Variants in SET observed in about 807,000 individuals in gnomAD.
SET encodes protein SET.
Under a neutral mutation model 39.0 loss-of-function variants are expected in SET, and 4 were observed. The ratio of observed to expected loss-of-function variants is 0.10; its 90% CI spans 0.05 to 0.23. The LOEUF is 0.23. SET is among the 10% of genes least tolerant of loss of function. The pLI is 1.00. For synonymous variants in SET, 114 were observed against 115.9 expected (o/e 0.98, Z 0.11); for missense variants, 137 against 329.7 (o/e 0.42, Z 4.53).
At position 128,689,591 on chromosome 9, in the gene SET, G is replaced by A. The variant is rs1280112812; in HGVS notation, c.9G>A (p.Ala3=). Residue 3 remains alanine, a synonymous_variant, in exon 1 of 8, where the codon GCG becomes GCA. Coordinates refer to ENST00000322030, the MANE Select transcript of SET (RefSeq NM_003011.4). ...GACCGCGGAGCAGCACCATGTCGGC[G>A]CCGGCGGCCAAAGTCAGTAAAAAGG... MS[A]PAAKVSKKEL... The A allele has an allele frequency of 7.3e-7, 1 of 1,371,312 alleles. No individual in the cohort carries two copies. The highest frequency in any genetic ancestry group is 2.4e-5 in the Admixed American group (1 of 42,274). 84.9% of individuals were successfully genotyped at this position (1,371,312 alleles called of 1,614,324 possible).
intron 1 of SET, 187 bp from the exon 2 acceptor site, chr9:128,690,983 C>T (rs1861511812): frequency 6.1e-6 from 4 of 660,890 alleles, no homozygotes; most frequent in South Asian, 3.3e-5. Flanking sequence ...GACAGCATGA[C>T]TTGTAAATGG....
chr9:128,683,721 T>C (rs948392879), exon 1 of SET: 5 of 522,404 alleles, frequency 9.6e-6, no homozygotes, highest in Non-Finnish European at 1.7e-5. Flanking sequence ...GTGGGTGGGA[T>C]GAGGCTGGGG....
chr9:128,691,136 T>A, intron 1 of SET, 34 bp from the exon 2 acceptor site: 1 of 1,544,646 alleles, frequency 6.5e-7, no homozygotes, highest in Non-Finnish European at 8.9e-7. Context: ...GGTAAATTTA[T>A]CTTAGAATTA....
chr9:128,684,980 G>A (rs1332148767), upstream of SET: 1 of 1,413,236 alleles, frequency 7.1e-7, no homozygotes, highest in Admixed American at 2.9e-5. Flanking sequence ...CTGGCTCATA[G>A]GGGAGGGTTG....
chr9:128,694,502 G>A, intron 7 of SET, 139 bp from the exon 8 acceptor site: 1 of 554,806 alleles, frequency 1.8e-6, no homozygotes, highest in Non-Finnish European at 3.2e-6. Context: ...CATCATCACG[G>A]GTGTTTCCTT....
chr9:128,685,757 C>T (rs995285916), upstream of SET, among the ~76,000 whole-genome samples: 2 of 152,146 alleles, frequency 1.3e-5, no homozygotes, highest in East Asian at 1.9e-4. Flanking sequence ...GGGGGCCGGG[C>T]GCGGTGGCTG....
intron 1 of SET, chr9:128,690,127 G>A (rs954413629): frequency 3.7e-5 from 9 of 241,934 alleles, no homozygotes; most frequent in Non-Finnish European, 6.0e-5. Flanking sequence ...GGCTGGCCCC[G>A]GCGGGGCTTC....
At chr9:128,690,033 C>A in intron 1 of SET, 1 of 1,023,300 alleles carries the variant, frequency 9.8e-7, no homozygotes, top group Non-Finnish European at 1.2e-6. Flanking sequence ...CATGGTGCGG[C>A]CGGACGCGGC....
chr9:128,687,767 C>G (rs1861338825), upstream of SET, among the ~76,000 whole-genome samples: 1 of 152,106 alleles, frequency 6.6e-6, no homozygotes, highest in Non-Finnish European at 1.5e-5. Context: ...CTCTGTCACT[C>G]AGGCTTCAGT....
In SET at chr9:128,695,584, G is replaced by A. The variant is rs1490660464; in HGVS notation, c.*920G>A. 1.8e-5 allele frequency: 4 copies of A among 224,110 alleles called. No homozygotes were observed. The highest frequency in any genetic ancestry group is 2.2e-5 in the African/African-American group (1 of 44,994). The allele number at this position is 224,110 out of a possible 1,614,324, so 13.9% of individuals were successfully genotyped here. ...AGGTATGCTTACTATGACCTTCCAA[G>A]TTTGACTTGTATAACATCACTGTCA... On this transcript the variant is annotated 3_prime_UTR_variant, in exon 8 of 8. Coordinates refer to ENST00000322030, the MANE Select transcript of SET (RefSeq NM_003011.4).
At position 128,689,597 on chromosome 9, in the gene SET, G is replaced by T. The variant is rs528077107; in HGVS notation, c.15G>T (p.Ala5=). The part of the protein sequence containing the change: MSAP[A]AKVSKKELNS... Reference sequence around the variant, plus strand: ...GGAGCAGCACCATGTCGGCGCCGGCGGCCAAAGTCAGTAAAAAGGAGCTCA... The same window carrying T: ...GGAGCAGCACCATGTCGGCGCCGGCTGCCAAAGTCAGTAAAAAGGAGCTCA... The change falls in exon 1 of 8, where the codon GCG becomes GCT. Residue 5 remains alanine (A), a synonymous_variant. Transcript: ENST00000322030. 4.4e-6 allele frequency: 6 copies of T among 1,377,366 alleles called. No homozygotes were observed. The Admixed American group carries it at 1.2e-4, about 27-fold the overall frequency. The allele number at this position is 1,377,366 out of a possible 1,614,324, so 85.3% of individuals were successfully genotyped here. A position where few individuals can be genotyped will look rare whatever the true frequency, so the allele number is the denominator to read the frequency against.
At chr9:128,685,119 G>A, upstream of SET, 1 of 1,561,012 alleles carries the variant, frequency 6.4e-7, no homozygotes. Flanking sequence ...TCAGGGCTCA[G>A]TGTGGACCTG....
chr9:128,685,259 T>C, upstream of SET: 1 of 1,485,740 alleles, frequency 6.7e-7, no homozygotes, highest in African/African-American at 1.4e-5. Context: ...TTCTATAAAA[T>C]GGGATCCACA....
chr9:128,688,384 T>C (rs1861360702), upstream of SET, among the ~76,000 whole-genome samples: 1 of 152,158 alleles, frequency 6.6e-6, no homozygotes, highest in African/African-American at 2.4e-5. Flanking sequence ...AAGTAGAACT[T>C]GTTGGCCCCT....
intron 3 of SET, chr9:128,692,287 C>CT (rs1460780153): frequency 6.9e-6 from 2 of 291,226 alleles, no homozygotes; most frequent in African/African-American, 4.5e-5. Context: ...CTACTCGCTA[C>CT]TTGGGAGGCT....
At chr9:128,693,319 C>G (rs1221257881) in intron 5 of SET, among the ~76,000 whole-genome samples, 1 of 152,196 alleles carries the variant, frequency 6.6e-6, no homozygotes, top group Non-Finnish European at 1.5e-5. Flanking sequence ...GCAGTGGTGA[C>G]TGAGCTCTTC....
chr9:128,693,444 G>A (rs892929780), intron 5 of SET, among the ~76,000 whole-genome samples, 194 bp from the exon 6 acceptor site: 21 of 152,190 alleles, frequency 1.4e-4, no homozygotes, highest in African/African-American at 5.1e-4. Flanking sequence ...TAATTTTATG[G>A]AAAACCAAAT....
chr9:128,692,242 T>G (rs1391057468), intron 3 of SET: 2 of 390,522 alleles, frequency 5.1e-6, no homozygotes, highest in Non-Finnish European at 9.2e-6. Context: ...CAAAAAAAAT[T>G]AGCTGGGCGT....
At chr9:128,686,029 C>CAA (rs563113705), upstream of SET, among the ~76,000 whole-genome samples, 9 of 139,998 alleles carry the variant, frequency 6.4e-5, no homozygotes, top group African/African-American at 2.1e-4. Flanking sequence ...ACAACAACAA[C>CAA]AAAAAAAAAA....
Sources: gnomAD v4.1 joint callset for allele counts (sites outside exome capture counted in the v4.1 genomes callset) on GRCh38, gnomAD v4.1.1 for gene constraint, MANE v1.5 for transcripts, NCBI Gene and HGNC (gene_info 2026-07-23, HGNC 2026-07-21) for gene names.